The following GPC5 variants were observed in gnomAD, a reference collection of about 807,000 sequenced individuals.
GPC5 encodes the protein glypican-5.
Under a neutral mutation model 53.9 loss-of-function variants are expected in GPC5, and 47 were observed. That is an observed-to-expected ratio of 0.87 (90% CI 0.69 to 1.11). The LOEUF is 1.11. Ranked by LOEUF, GPC5 falls within the 50% of genes most tolerant of loss-of-function variation. The pLI, the probability that GPC5 is intolerant of heterozygous loss-of-function variation, is 0.00. For missense variants in GPC5, 748 were observed against 713.1 expected (o/e 1.05, Z -0.56); for synonymous variants, 286 against 263.3 (o/e 1.09, Z -0.84).
At chr13:92,601,924 C>G (rs1366495501) in intron 7 of GPC5, among the ~76,000 whole-genome samples, 2 of 151,312 alleles carry the variant, frequency 1.3e-5, no homozygotes, top group Non-Finnish European at 2.9e-5. Context: ...TGAGTTATTT[C>G]TATTATTTAT....
At chr13:92,207,935 G>C (rs1434619069) in intron 7 of GPC5, among the ~76,000 whole-genome samples, 2 of 152,176 alleles carry the variant, frequency 1.3e-5, no homozygotes, top group Non-Finnish European at 2.9e-5. Flanking sequence ...GCTCCCAAGG[G>C]CTATTTGTAA....
At chr13:92,802,579 A>C (rs1018089926) in intron 7 of GPC5, among the ~76,000 whole-genome samples, 1 of 151,942 alleles carries the variant, frequency 6.6e-6, no homozygotes, top group Non-Finnish European at 1.5e-5. Context: ...CTGGATTAAG[A>C]AAATGTGGCA....
chr13:91,915,995 C>A (rs1284123428), intron 6 of GPC5, among the ~76,000 whole-genome samples: 1 of 152,122 alleles, frequency 6.6e-6, no homozygotes, highest in Non-Finnish European at 1.5e-5. Context: ...TGCTTGCTAC[C>A]ATATAGTAAT....
chr13:92,214,555 C>A (rs915560864), intron 7 of GPC5, among the ~76,000 whole-genome samples: 5 of 152,122 alleles, frequency 3.3e-5, no homozygotes, highest in African/African-American at 1.2e-4. Context: ...CAACTACCAC[C>A]CTGATAATAA....
At chr13:92,556,924 A>C (rs555238904) in intron 7 of GPC5, among the ~76,000 whole-genome samples, 1 of 151,900 alleles carries the variant, frequency 6.6e-6, no homozygotes, top group Admixed American at 6.6e-5. Flanking sequence ...GTATTCCCCT[A>C]TAAACAGGAG....
chr13:92,684,711 C>A (rs1292055378), intron 7 of GPC5, among the ~76,000 whole-genome samples: 5 of 152,164 alleles, frequency 3.3e-5, no homozygotes, highest in Admixed American at 6.5e-5. Context: ...CACTTTTCTG[C>A]ATGTTTTGTG....
intron 7 of GPC5, among the ~76,000 whole-genome samples, chr13:92,860,760 C>T (rs1879154510): frequency 6.6e-6 from 1 of 151,994 alleles, no homozygotes; most frequent in Admixed American, 6.6e-5. Flanking sequence ...TGATATTTAC[C>T]ACCTGTCTTA....
chr13:91,897,027 T>TCC (rs1566329338), intron 5 of GPC5, among the ~76,000 whole-genome samples: 1 of 151,464 alleles, frequency 6.6e-6, no homozygotes, highest in Non-Finnish European at 1.5e-5. Context: ...CCTCTTCTTC[T>TCC]TCCTCCTCCT....
At chr13:91,401,979 T>C (rs1358684105) in intron 1 of GPC5, among the ~76,000 whole-genome samples, 1 of 152,198 alleles carries the variant, frequency 6.6e-6, no homozygotes, top group Non-Finnish European at 1.5e-5. Context: ...TTGTTTATTT[T>C]ATTCAGAAAA....
intron 2 of GPC5, among the ~76,000 whole-genome samples, chr13:91,590,526 C>G (rs954418444): frequency 6.6e-6 from 1 of 151,872 alleles, no homozygotes; most frequent in Non-Finnish European, 1.5e-5. Context: ...CTTTGAGATC[C>G]CTTTACCCAG....
chr13:91,472,419 T>A (rs1375678389), intron 2 of GPC5, among the ~76,000 whole-genome samples: 1 of 152,184 alleles, frequency 6.6e-6, no homozygotes, highest in Admixed American at 6.5e-5. Context: ...AGTTTCCTCA[T>A]CTGTAGAATG....
At chr13:91,470,278 C>G (rs1882530732) in intron 2 of GPC5, among the ~76,000 whole-genome samples, 1 of 152,138 alleles carries the variant, frequency 6.6e-6, no homozygotes, top group African/African-American at 2.4e-5. Flanking sequence ...TCAGACAGCT[C>G]TCTACAAGGC....
rs558349812 is a variant in GPC5 at position 92,348,739 on chromosome 13, A to G, written c.1561+203750A>G. Among the ~76,000 whole-genome samples the G allele has an allele frequency of 2.0e-5, 3 of 152,288 alleles. No individual in the cohort carries two copies. In the East Asian group the frequency reaches 5.8e-4, roughly 29 times the overall value. ...TAGCAAGAATCTTCTCTGACCCACA[A>G]TGGTATAAAACTAGAAATCAATAAT... On this transcript the variant is annotated intron_variant, in intron 7 of 7. Coordinates refer to ENST00000377067, the MANE Select transcript of GPC5 (RefSeq NM_004466.6).
At chr13:92,069,164 A>AT (rs1319189390) in intron 6 of GPC5, among the ~76,000 whole-genome samples, 5 of 152,120 alleles carry the variant, frequency 3.3e-5, no homozygotes, top group Non-Finnish European at 1.5e-5. Flanking sequence ...TCAAAAATCA[A>AT]TTGCTTATAA....
At chr13:92,834,795 T>C (rs9589635) in intron 7 of GPC5, among the ~76,000 whole-genome samples, 14,582 of 152,116 alleles carry the variant, frequency 0.096, 1,232 homozygotes, top group African/African-American at 0.22. Context: ...GAAGTGACTA[T>C]ACTGCTGATC....
rs775816979 is a variant in GPC5 at position 92,364,033 on chromosome 13, GAGA to G, written c.1561+219049_1561+219051del. Among the ~76,000 whole-genome samples, 12 of 151,752 alleles carry G rather than the reference GAGA, an allele frequency of 7.9e-5. No homozygotes were observed. In the South Asian group the frequency reaches 8.3e-4, roughly 10 times the overall value. The stretch of plus-strand genomic sequence containing the variant: ...GATGTATATATTTTTTAAAAGAGCT[GAGA>G]AGAATTTTATTAAGCATATAAATTG... On this transcript the variant is annotated intron_variant, in intron 7 of 7. Transcript: ENST00000377067.
At chr13:92,127,277 GTATA>G (rs952624067) in intron 6 of GPC5, among the ~76,000 whole-genome samples, 2 of 151,098 alleles carry the variant, frequency 1.3e-5, no homozygotes, top group African/African-American at 4.9e-5. Flanking sequence ...ATATATATGT[GTATA>G]TATATATGTG....
At chr13:92,176,347 A>G (rs1409179445) in intron 7 of GPC5, among the ~76,000 whole-genome samples, 1 of 152,162 alleles carries the variant, frequency 6.6e-6, no homozygotes, top group Non-Finnish European at 1.5e-5. Context: ...TTCCTGTCAC[A>G]CTGCAACATT....
At chr13:92,428,772 C>A (rs1053663937) in intron 7 of GPC5, among the ~76,000 whole-genome samples, 1 of 152,064 alleles carries the variant, frequency 6.6e-6, no homozygotes, top group African/African-American at 2.4e-5. Flanking sequence ...AAGAATGCTT[C>A]TGTAGAGCCA....
Sources: gnomAD v4.1 joint callset for allele counts (sites outside exome capture counted in the v4.1 genomes callset) on GRCh38, gnomAD v4.1.1 for gene constraint, MANE v1.5 for transcripts, NCBI Gene and HGNC (gene_info 2026-07-23, HGNC 2026-07-21) for gene names.